HS2ST1: variants seen among roughly 807,000 people sequenced by gnomAD.
The protein encoded by HS2ST1 is heparan sulfate 2-O-sulfotransferase 1.
In HS2ST1, 18 loss-of-function variants were observed where a neutral mutation model predicts 42.9. That is an observed-to-expected ratio of 0.42 (90% CI 0.29 to 0.62). HS2ST1 has a LOEUF of 0.62. Ranked by LOEUF, HS2ST1 falls within the 20% of genes least tolerant of loss-of-function variation. HS2ST1 has a pLI of 0.21. For synonymous variants in HS2ST1, 146 were observed against 152.9 expected (o/e 0.95, Z 0.33); for missense variants, 334 against 433.8 (o/e 0.77, Z 2.04).
chr1:86,996,481 A>G (rs1350139358), intron 1 of HS2ST1, among the ~76,000 whole-genome samples: 2 of 151,470 alleles, frequency 1.3e-5, no homozygotes, highest in Non-Finnish European at 2.9e-5. Context: ...AAGTATGGCC[A>G]TAGACTGCCT....
chr1:87,091,807 C>A (rs937572894), intron 3 of HS2ST1, among the ~76,000 whole-genome samples: 1 of 151,986 alleles, frequency 6.6e-6, no homozygotes, highest in Non-Finnish European at 1.5e-5. Context: ...TTGTACAGTT[C>A]TAGGGTTTGC....
chr1:86,959,304 A>G (rs766341788), intron 1 of HS2ST1, among the ~76,000 whole-genome samples: 1 of 152,244 alleles, frequency 6.6e-6, no homozygotes, highest in African/African-American at 2.4e-5. Context: ...TTAATTCACA[A>G]ATGACATGTT....
At chr1:86,924,688 C>T (rs1660376636) in intron 1 of HS2ST1, among the ~76,000 whole-genome samples, 2 of 152,184 alleles carry the variant, frequency 1.3e-5, no homozygotes, top group South Asian at 4.1e-4. Flanking sequence ...CCTTTTCAGC[C>T]ATGGCAGGAG....
intron 1 of HS2ST1, among the ~76,000 whole-genome samples, chr1:87,034,736 G>A (rs1041508596): frequency 1.2e-4 from 19 of 152,112 alleles, no homozygotes; most frequent in Non-Finnish European, 2.5e-4. Context: ...AGAGTAATAG[G>A]ATTAGTAATC....
intron 1 of HS2ST1, among the ~76,000 whole-genome samples, chr1:86,926,192 T>G (rs967264523): frequency 6.6e-6 from 1 of 152,224 alleles, no homozygotes; most frequent in Non-Finnish European, 1.5e-5. Flanking sequence ...CCACTTTGGC[T>G]GAAGGGAACA....
chr1:86,971,241 A>G (rs1353303581), intron 1 of HS2ST1, among the ~76,000 whole-genome samples: 2 of 152,174 alleles, frequency 1.3e-5, no homozygotes, highest in East Asian at 3.8e-4. Context: ...TCTATACATT[A>G]GTGCTGTTAA....
chr1:86,954,459 G>T (rs995435824), intron 1 of HS2ST1, among the ~76,000 whole-genome samples: 6 of 152,184 alleles, frequency 3.9e-5, no homozygotes, highest in African/African-American at 1.4e-4. Flanking sequence ...AAAAGACGTT[G>T]ATTTGAGAAT....
intron 1 of HS2ST1, among the ~76,000 whole-genome samples, chr1:86,922,082 T>C (rs1660311354): frequency 1.3e-5 from 2 of 152,014 alleles, no homozygotes; most frequent in Non-Finnish European, 2.9e-5. Flanking sequence ...CTGTGATTCC[T>C]TTTTTTCTGT....
Position 86,938,244 on chromosome 1 carries a change from G to A in HS2ST1, c.124+23084G>A, listed in dbSNP as rs1174313056. On this transcript the variant is annotated intron_variant, in intron 1 of 6. Transcript: ENST00000370550. The stretch of plus-strand genomic sequence containing the variant: ...TTCTGTTTTAAATTAATGAGAAATT[G>A]GGTGAACTTATTTTCTTGCTGAGGT... Among the ~76,000 whole-genome samples the A allele has an allele frequency of 2.7e-4, 41 of 152,096 alleles. 1 individual carries two copies. Among genetic ancestry groups the A allele is most frequent in the Admixed American group, 2.6e-3 (40 of 15,268 alleles).
intron 1 of HS2ST1, among the ~76,000 whole-genome samples, chr1:86,919,000 G>A (rs1660231250): frequency 6.7e-6 from 1 of 148,214 alleles, no homozygotes. Context: ...ATTTTTTTGA[G>A]ATGAGCCTTG....
chr1:87,066,511 C>T (rs1426172433), intron 1 of HS2ST1, among the ~76,000 whole-genome samples: 1 of 152,144 alleles, frequency 6.6e-6, no homozygotes, highest in Non-Finnish European at 1.5e-5. Flanking sequence ...ACCCCTGTGC[C>T]ATCAAATCTG....
intron 1 of HS2ST1, among the ~76,000 whole-genome samples, chr1:86,939,911 GC>G (rs1383206097): frequency 6.6e-6 from 1 of 151,722 alleles, no homozygotes; most frequent in Non-Finnish European, 1.5e-5. Context: ...AAGTAACAAA[GC>G]AGGTAGAGAA....
At chr1:86,948,355 C>CA (rs1570439614) in intron 1 of HS2ST1, among the ~76,000 whole-genome samples, 1 of 152,118 alleles carries the variant, frequency 6.6e-6, no homozygotes, top group East Asian at 1.9e-4. Flanking sequence ...TGGGCATAAT[C>CA]ATAGTGTACA....
At chr1:87,025,521 A>G (rs1241525954) in intron 1 of HS2ST1, among the ~76,000 whole-genome samples, 1 of 152,222 alleles carries the variant, frequency 6.6e-6, no homozygotes, top group Non-Finnish European at 1.5e-5. Flanking sequence ...AAGACACAAT[A>G]GCTTGACAAA....
At chr1:87,033,033 A>G (rs1220353879) in intron 1 of HS2ST1, among the ~76,000 whole-genome samples, 5 of 152,232 alleles carry the variant, frequency 3.3e-5, no homozygotes, top group Non-Finnish European at 7.3e-5. Flanking sequence ...GAACCTCCAG[A>G]TTAAAAAATA....
At chr1:86,935,033 C>T (rs1660616511) in intron 1 of HS2ST1, 1 of 151,416 alleles carries the variant, frequency 6.6e-6, no homozygotes, top group Non-Finnish European at 1.5e-5. Context: ...CACATCAGAC[C>T]AGAAATCCTT....
chr1:87,073,160 A>T lies in HS2ST1; in HGVS notation c.351A>T (p.Ser117=). ...CTACCAAAAATAATCCAGTGATGTCATTGCAAGATCAGGTAATTACCACTT... is the reference window on the plus strand; with the variant it reads ...CTACCAAAAATAATCCAGTGATGTCTTTGCAAGATCAGGTAATTACCACTT... ...INTTKNNPVM[S]LQDQVRFVKN... Residue 117 remains serine (S), a synonymous_variant, in exon 2 of 7, where the codon TCA becomes TCT. Transcript: ENST00000370550. 1 of 1,605,054 alleles carries T rather than the reference A, an allele frequency of 6.2e-7. No individual in the cohort carries two copies. Among genetic ancestry groups the T allele is most frequent in the African/African-American group, 1.3e-5 (1 of 74,842 alleles).
rs1650617503 is a variant in HS2ST1, at chr1:87,045,192, A to C, written c.125-27742A>C. ...AGCATCTTCAGCTTGTTTTGGCCCC[A>C]CTTTTTCTGGGGCATCACCAACACT... On this transcript the variant is annotated intron_variant, in intron 1 of 6. Coordinates refer to ENST00000370550, the MANE Select transcript of HS2ST1 (RefSeq NM_012262.4). The C allele has an allele frequency of 4.3e-6, 4 of 929,698 alleles. No homozygotes were observed. In the East Asian group the frequency reaches 9.7e-5, roughly 22 times the overall value. 57.6% of individuals were successfully genotyped at this position (929,698 alleles called of 1,614,324 possible). A position where few individuals can be genotyped will look rare whatever the true frequency, so the allele number is the denominator to read the frequency against.
intron 1 of HS2ST1, among the ~76,000 whole-genome samples, chr1:86,992,702 A>G (rs1256698328): frequency 6.6e-6 from 1 of 152,142 alleles, no homozygotes; most frequent in Non-Finnish European, 1.5e-5. Context: ...GGGAAGAAAA[A>G]TATCTTTTTC....
Sources: allele counts gnomAD v4.1 joint callset (sites outside exome capture counted in the v4.1 genomes callset), GRCh38; gene constraint gnomAD v4.1.1; transcripts MANE v1.5; gene names NCBI Gene and HGNC (gene_info 2026-07-23, HGNC 2026-07-21).